The following MUC13 variants were observed in gnomAD, a reference collection of about 807,000 sequenced individuals.
The protein encoded by MUC13 is mucin-13.
In MUC13, 32 loss-of-function variants were observed where a neutral mutation model predicts 48.3. The observed-to-expected ratio is 0.66, with a 90% CI of 0.50 to 0.89. The LOEUF is 0.89. Ranked by LOEUF, MUC13 falls within the 40% of genes least tolerant of loss-of-function variation. The pLI, the probability that MUC13 is intolerant of heterozygous loss-of-function variation, is 0.00. For synonymous variants in MUC13, 199 were observed against 224.9 expected (o/e 0.88, Z 1.03); for missense variants, 571 against 622.8 (o/e 0.92, Z 0.88).
chr3:124,917,604 A>G (rs1475080226), intron 5 of MUC13, among the ~76,000 whole-genome samples: 1 of 152,202 alleles, frequency 6.6e-6, no homozygotes, highest in Admixed American at 6.5e-5. Context: ...GGTCCTCAGA[A>G]CAATCAAGAA....
rs529497158 is a variant in MUC13, at chr3:124,920,420, C to T, written c.745-131G>A. On this transcript the variant is annotated intron_variant, in intron 4 of 11. Transcript: ENST00000616727. ...AGGATCCAACTGGGTAGAAAATGGA[C>T]CCTGGGAGACTTCTTAGGGTCTGAG... The T allele has an allele frequency of 8.5e-5, 58 of 686,174 alleles. No individual in the cohort carries two copies. The African/African-American group carries it at 9.8e-4, about 12-fold the overall frequency. The allele number at this position is 686,174 out of a possible 1,614,324, so 42.5% of individuals were successfully genotyped here. A position where few individuals can be genotyped will look rare whatever the true frequency, so the allele number is the denominator to read the frequency against.
intron 5 of MUC13, 142 bp from the exon 6 acceptor site, chr3:124,916,622 C>T (rs571930364): frequency 1.7e-5 from 14 of 811,590 alleles, no homozygotes; most frequent in African/African-American, 1.2e-4. Context: ...ATATGGAGGC[C>T]GGGGGCTGCA....
In MUC13 at chr3:124,910,404, T is replaced by C; in HGVS notation, c.1337+11A>G. 1 of 1,612,650 alleles carries C rather than the reference T, an allele frequency of 6.2e-7. No individual in the cohort carries two copies. The highest frequency in any genetic ancestry group is 1.7e-5 in the Admixed American group (1 of 59,786). On this transcript the variant is annotated intron_variant, in intron 10 of 11. Coordinates refer to ENST00000616727, the MANE Select transcript of MUC13 (RefSeq NM_033049.4). ...AAAAAAAAATTTAAAAAGGACACTT[T>C]CATCCCATACCTTGCTGTGACAATC... is the stretch of plus-strand genomic sequence containing the variant.
chr3:124,922,164 G>C (rs1935607210), intron 4 of MUC13, 33 bp downstream of exon 4: 5 of 1,612,044 alleles, frequency 3.1e-6, no homozygotes, highest in African/African-American at 1.3e-5. Flanking sequence ...AACAAAGAAT[G>C]CTTTACAGAA....
chr3:124,914,070 T>C (rs1935470025), intron 6 of MUC13, among the ~76,000 whole-genome samples: 1 of 151,832 alleles, frequency 6.6e-6, no homozygotes, highest in South Asian at 2.1e-4. Context: ...AAAATATAAA[T>C]AAAAATAAAT....
At chr3:124,933,101 C>A (rs1324462088) in intron 1 of MUC13, among the ~76,000 whole-genome samples, 4 of 152,022 alleles carry the variant, frequency 2.6e-5, no homozygotes, top group African/African-American at 9.7e-5. Context: ...ATCTGGTGAG[C>A]CCTCCCCTCC....
At chr3:124,913,788 G>A in intron 6 of MUC13, 107 bp from the exon 7 acceptor site, 1 of 1,315,200 alleles carries the variant, frequency 7.6e-7, no homozygotes, top group Admixed American at 1.9e-5. Context: ...CTTTTAATAA[G>A]TTTTGGGGCC....
Position 124,908,215 on chromosome 3 carries a change from C to A in MUC13, c.1471G>T (p.Ala491Ser). Residue 491 changes from alanine (A) to serine (S), a missense_variant, in exon 11 of 12, where the codon GCC becomes TCC. By Grantham distance (99) the Ala-to-Ser change is moderately conservative. Transcript: ENST00000616727. Reference sequence around the variant, plus strand: ...TTTTGCATCTGGCTGTCTCTGGAGGCCGTTATCCTGACCTTAGGAAAGACG... The same window carrying A: ...TTTTGCATCTGGCTGTCTCTGGAGGACGTTATCCTGACCTTAGGAAAGACG... ...GSVFPKVRITASRDSQMQNPY... is the reference protein window; with the variant it reads ...GSVFPKVRITSSRDSQMQNPY... The A allele has an allele frequency of 6.2e-7, 1 of 1,614,146 alleles. No homozygotes were observed. The highest frequency in any genetic ancestry group is 8.5e-7 in the Non-Finnish European group (1 of 1,180,040).
intron 2 of MUC13, among the ~76,000 whole-genome samples, chr3:124,925,287 A>G (rs1935669680): frequency 6.6e-6 from 1 of 152,238 alleles, no homozygotes; most frequent in Non-Finnish European, 1.5e-5. Flanking sequence ...GGAGACAGTA[A>G]AAAGATCTGT....
At chr3:124,933,424 C>T (rs1935830078) in intron 1 of MUC13, among the ~76,000 whole-genome samples, 1 of 152,118 alleles carries the variant, frequency 6.6e-6, no homozygotes, top group Admixed American at 6.6e-5. Context: ...TGCTCCTGTT[C>T]CCCTCCCTGT....
At chr3:124,925,062 C>A (rs755456671) in intron 2 of MUC13, among the ~76,000 whole-genome samples, 3 of 152,162 alleles carry the variant, frequency 2.0e-5, no homozygotes, top group Non-Finnish European at 4.4e-5. Flanking sequence ...ATGAGTGCCA[C>A]TACTTGGAAG....
chr3:124,927,821 A>G lies in MUC13; in HGVS notation c.225T>C (p.Ser75=). ...TAGGAATTGTGGAGGAACTATGTGT[A>G]CTAATTATGGGGGGAGCAGGTGAAG... ...TATSPAPPII[S]THSSSTIPTP... Residue 75 remains serine, a synonymous_variant, in exon 2 of 12, where the codon AGT becomes AGC. Coordinates refer to ENST00000616727, the MANE Select transcript of MUC13 (RefSeq NM_033049.4). The G allele has an allele frequency of 6.2e-7, 1 of 1,614,138 alleles. No individual in the cohort carries two copies. The highest frequency in any genetic ancestry group is 8.5e-7 in the Non-Finnish European group (1 of 1,180,020).
At chr3:124,916,916 A>G (rs1301782924) in intron 5 of MUC13, among the ~76,000 whole-genome samples, 1 of 152,124 alleles carries the variant, frequency 6.6e-6, no homozygotes, top group East Asian at 1.9e-4. Flanking sequence ...CTCCCTCTGC[A>G]TGGAGAAAGC....
At chr3:124,923,491 A>G in intron 3 of MUC13, 36 bp downstream of exon 3, 1 of 1,599,774 alleles carries the variant, frequency 6.3e-7, no homozygotes, top group Non-Finnish European at 8.5e-7. Context: ...GGTGTGAGAT[A>G]CAGAGCTCAG....
At chr3:124,907,545 G>A (rs1256708082) in intron 11 of MUC13, among the ~76,000 whole-genome samples, 2 of 152,126 alleles carry the variant, frequency 1.3e-5, no homozygotes, top group Non-Finnish European at 2.9e-5. Flanking sequence ...TTAAGCCCAG[G>A]AGGTTGAGGC....
At chr3:124,928,656 G>T (rs1935737171) in intron 1 of MUC13, among the ~76,000 whole-genome samples, 1 of 152,130 alleles carries the variant, frequency 6.6e-6, no homozygotes, top group Admixed American at 6.6e-5. Flanking sequence ...TGCTGGGATT[G>T]CAGATGTGAC....
At chr3:124,920,970 G>A (rs868374684) in intron 4 of MUC13, among the ~76,000 whole-genome samples, 17 of 152,226 alleles carry the variant, frequency 1.1e-4, no homozygotes, top group Admixed American at 3.9e-4. Context: ...CTATCCTAGC[G>A]TTGTCACGTA....
At position 124,932,668 on chromosome 3, in the gene MUC13, G is replaced by C. The variant is rs371338365; in HGVS notation, c.52+1993C>G. ...GCCCCTATGTGCCAGGCAGTATCCC[G>C]GCACATCAGGCTCTTTGTCTCATTT... On this transcript the variant is annotated intron_variant, in intron 1 of 11. Transcript: ENST00000616727. Among the ~76,000 whole-genome samples the C allele has an allele frequency of 1.4e-4, 21 of 152,116 alleles. 2 individuals carry two copies. In the Middle Eastern group the frequency reaches 0.031, roughly 223 times the overall value.
intron 5 of MUC13, among the ~76,000 whole-genome samples, chr3:124,917,627 T>C (rs1935531291): frequency 6.6e-6 from 1 of 151,934 alleles, no homozygotes; most frequent in African/African-American, 2.4e-5. Context: ...ATCCAAAACA[T>C]GAATCAAATT....
Sources: gnomAD v4.1 joint callset for allele counts (sites outside exome capture counted in the v4.1 genomes callset) on GRCh38, gnomAD v4.1.1 for gene constraint, MANE v1.5 for transcripts, NCBI Gene and HGNC (gene_info 2026-07-23, HGNC 2026-07-21) for gene names.